Variants in GFRAL observed in about 807,000 individuals in gnomAD.
The protein encoded by GFRAL is GDNF family receptor alpha like, also known as GDNF family receptor alpha-like.
A neutral mutation model predicts 45.4 loss-of-function variants in GFRAL; 36 were observed. That is an observed-to-expected ratio of 0.79 (90% CI 0.61 to 1.05). GFRAL has a LOEUF of 1.05. GFRAL is among the 50% of genes least tolerant of loss of function. The pLI, the probability that GFRAL is intolerant of heterozygous loss-of-function variation, is 0.00. For synonymous variants in GFRAL, 166 were observed against 154.1 expected (o/e 1.08, Z -0.57); for missense variants, 507 against 467.5 (o/e 1.08, Z -0.78).
chr6:55,345,988 G>A (rs570406278), intron 3 of GFRAL, among the ~76,000 whole-genome samples: 61 of 151,328 alleles, frequency 4.0e-4, no homozygotes, highest in Non-Finnish European at 7.9e-4. Context: ...AAACCACAAT[G>A]AGATACCATC....
intron 6 of GFRAL, among the ~76,000 whole-genome samples, chr6:55,362,977 G>C (rs1768297690): frequency 6.6e-6 from 1 of 150,488 alleles, no homozygotes. Context: ...GGGAGGAGGG[G>C]AGGAAGAAGA....
chr6:55,397,567 G>GAGTTC (rs1768844096), intron 6 of GFRAL, among the ~76,000 whole-genome samples: 1 of 139,642 alleles, frequency 7.2e-6, no homozygotes, highest in African/African-American at 2.5e-5. Context: ...AACTGTATTT[G>GAGTTC]AGTTCAGACT....
At chr6:55,369,320 C>T (rs1229373216) in intron 6 of GFRAL, among the ~76,000 whole-genome samples, 1 of 152,164 alleles carries the variant, frequency 6.6e-6, no homozygotes, top group Non-Finnish European at 1.5e-5. Flanking sequence ...GTGCGCGCAC[C>T]CACTGACCTG....
intron 3 of GFRAL, 63 bp from the exon 4 acceptor site, chr6:55,350,029 C>T (rs377478659): frequency 3.9e-5 from 38 of 978,394 alleles, no homozygotes; most frequent in African/African-American, 6.4e-5. Context: ...ATGTGGCCCA[C>T]GTTTTCCTAG....
chr6:55,399,820 T>TA (rs1768872738), intron 8 of GFRAL, among the ~76,000 whole-genome samples: 1 of 152,170 alleles, frequency 6.6e-6, no homozygotes, highest in South Asian at 2.1e-4. Context: ...GTTTACTGCA[T>TA]ACAGTTTGTA....
chr6:55,341,077 TG>T (rs1158579656), intron 3 of GFRAL, among the ~76,000 whole-genome samples: 1 of 152,198 alleles, frequency 6.6e-6, no homozygotes, highest in Non-Finnish European at 1.5e-5. Flanking sequence ...TGCTTGCATC[TG>T]TAGACTCCAC....
chr6:55,328,512 T>A (rs939088914), intron 1 of GFRAL, among the ~76,000 whole-genome samples: 1 of 151,898 alleles, frequency 6.6e-6, no homozygotes, highest in Non-Finnish European at 1.5e-5. Context: ...TATTTTCAGT[T>A]TTTCTTTTGT....
intron 5 of GFRAL, among the ~76,000 whole-genome samples, chr6:55,357,116 G>T (rs538614971): frequency 6.6e-6 from 1 of 151,856 alleles, no homozygotes; most frequent in Non-Finnish European, 1.5e-5. Context: ...TAACATATGG[G>T]TTACCATTGA....
chr6:55,387,809 C>A (rs961902942), intron 6 of GFRAL, among the ~76,000 whole-genome samples: 8 of 152,046 alleles, frequency 5.3e-5, no homozygotes, highest in African/African-American at 1.7e-4. Context: ...CTAAAAGTTG[C>A]AAGAATGTTT....
chr6:55,350,247 A>T, intron 4 of GFRAL, 102 bp downstream of exon 4: 1 of 696,768 alleles, frequency 1.4e-6, no homozygotes, highest in Non-Finnish European at 2.5e-6. Context: ...AGAACAAATC[A>T]TGTGGTTTAA....
At chr6:55,345,974 A>G (rs1410052044) in intron 3 of GFRAL, among the ~76,000 whole-genome samples, 2 of 152,242 alleles carry the variant, frequency 1.3e-5, no homozygotes, top group Non-Finnish European at 2.9e-5. Flanking sequence ...AGAAATGCAA[A>G]TCAAAACCAC....
chr6:55,394,971 T>C (rs1444898229), intron 6 of GFRAL, among the ~76,000 whole-genome samples: 1 of 151,894 alleles, frequency 6.6e-6, no homozygotes, highest in Non-Finnish European at 1.5e-5. Flanking sequence ...TATTTTATCC[T>C]TGTTTTCCCT....
chr6:55,396,667 G>A (rs1282284819), intron 6 of GFRAL, among the ~76,000 whole-genome samples: 2 of 151,706 alleles, frequency 1.3e-5, no homozygotes, highest in African/African-American at 4.8e-5. Context: ...CTAAAGGTCT[G>A]TATGATCAAT....
intron 6 of GFRAL, among the ~76,000 whole-genome samples, chr6:55,361,517 T>A (rs1179030912): frequency 6.6e-6 from 1 of 152,024 alleles, no homozygotes. Context: ...TTTTGCTGTT[T>A]TTTTAAAATT....
At chr6:55,354,282 C>T (rs1490052478) in intron 5 of GFRAL, among the ~76,000 whole-genome samples, 1 of 152,022 alleles carries the variant, frequency 6.6e-6, no homozygotes, top group African/African-American at 2.4e-5. Flanking sequence ...CTCAGATGGA[C>T]TGGCACAGAG....
chr6:55,395,175 A>AAAAAAATATATATAT, intron 6 of GFRAL, among the ~76,000 whole-genome samples: 7 of 123,510 alleles, frequency 5.7e-5, no homozygotes, highest in African/African-American at 2.1e-4. Flanking sequence ...AAAAAAAAAA[A>AAAAAAATATATATAT]ATATATATAT....
intron 6 of GFRAL, among the ~76,000 whole-genome samples, chr6:55,370,531 T>C (rs1412698364): frequency 6.6e-6 from 1 of 152,226 alleles, no homozygotes; most frequent in African/African-American, 2.4e-5. Flanking sequence ...ATTTTTCCAT[T>C]TTAAAAAATT....
chr6:55,331,845 T>C lies in GFRAL; in HGVS notation c.153T>C (p.Asp51=). 13 of 1,608,432 alleles carry C rather than the reference T, an allele frequency of 8.1e-6. No homozygotes were observed. Among genetic ancestry groups the C allele is most frequent in the Non-Finnish European group, 1.0e-5 (12 of 1,178,116 alleles). The change falls in exon 2 of 9, where the codon GAT becomes GAC. Residue 51 remains aspartate, a synonymous_variant. Coordinates refer to ENST00000340465, the MANE Select transcript of GFRAL (RefSeq NM_207410.2). Reference sequence around the variant, plus strand: ...GAGTAATGGAAGATGCCTGCAATGATTCAGGTAAACAAGTTGCTAAAAATA... The same window carrying C: ...GAGTAATGGAAGATGCCTGCAATGACTCAGGTAAACAAGTTGCTAAAAATA... ...AWRVMEDACN[D]SDPGDPCKMR... is the part of the protein sequence containing the mutation.
At chr6:55,378,561 G>A (rs1768564983) in intron 6 of GFRAL, among the ~76,000 whole-genome samples, 3 of 151,990 alleles carry the variant, frequency 2.0e-5, no homozygotes, top group East Asian at 1.9e-4. Context: ...GTCATGGAGG[G>A]TCTTCTCTGT....
Sources: allele counts gnomAD v4.1 joint callset (sites outside exome capture counted in the v4.1 genomes callset), GRCh38; gene constraint gnomAD v4.1.1; transcripts MANE v1.5; gene names NCBI Gene and HGNC (gene_info 2026-07-23, HGNC 2026-07-21).